CHRM5: variants seen among roughly 807,000 people sequenced by gnomAD.
CHRM5 encodes the protein cholinergic receptor muscarinic 5, also known as muscarinic acetylcholine receptor M5.
CHRM5 carries 18 observed loss-of-function variants against 39.0 expected under a neutral mutation model. The observed-to-expected ratio is 0.46, with a 90% CI of 0.32 to 0.68. CHRM5 has a LOEUF of 0.68. Among genes scored for constraint, CHRM5 ranks in the 30% least tolerant of loss-of-function variants. The pLI is 0.04. For missense variants in CHRM5, 515 were observed against 651.1 expected (o/e 0.79, Z 2.28); for synonymous variants, 241 against 246.3 (o/e 0.98, Z 0.20).
rs1900469581 is a variant in CHRM5, at chr15:34,064,859, A to T, written c.*543A>T. 5.6e-6 allele frequency: 1 copy of T among 178,352 alleles called. No homozygotes were observed. The highest frequency in any genetic ancestry group is 1.6e-4 in the South Asian group (1 of 6,208). 11.0% of individuals were successfully genotyped at this position (178,352 alleles called of 1,614,324 possible). A position where few individuals can be genotyped will look rare whatever the true frequency, so the allele number is the denominator to read the frequency against. On this transcript the variant is annotated 3_prime_UTR_variant, in exon 3 of 3. Transcript: ENST00000383263. The stretch of plus-strand genomic sequence containing the variant: ...GATCACTATCTATTATGCAGCTATT[A>T]TGTGGTCTATACTATACTGTGGTTT...
chr15:34,003,936 T>A (rs1897234265), intron 1 of CHRM5, among the ~76,000 whole-genome samples: 1 of 152,230 alleles, frequency 6.6e-6, no homozygotes, highest in African/African-American at 2.4e-5. Context: ...AATCTATTTT[T>A]AAATATTGAG....
At chr15:34,008,728 T>C (rs912800035) in intron 1 of CHRM5, among the ~76,000 whole-genome samples, 5 of 152,054 alleles carry the variant, frequency 3.3e-5, no homozygotes, top group Non-Finnish European at 7.4e-5. Context: ...GACCTCGTGA[T>C]CTGCCCGCTT....
At chr15:34,003,060 T>C in intron 1 of CHRM5, 4 of 1,613,990 alleles carry the variant, frequency 2.5e-6, no homozygotes, top group Middle Eastern at 1.7e-4. Flanking sequence ...CACTGAAATC[T>C]GTTCCCCTCT....
intron 1 of CHRM5, among the ~76,000 whole-genome samples, chr15:33,989,150 A>G (rs1332090003): frequency 7.1e-6 from 1 of 141,636 alleles, no homozygotes; most frequent in Non-Finnish European, 1.6e-5. Context: ...CCACACAAAC[A>G]CACACAAAAA....
At chr15:34,018,800 G>A (rs899716333) in intron 1 of CHRM5, among the ~76,000 whole-genome samples, 1 of 152,168 alleles carries the variant, frequency 6.6e-6, no homozygotes, top group Non-Finnish European at 1.5e-5. Flanking sequence ...GCTGATTGGT[G>A]CATTTACAAT....
intron 1 of CHRM5, among the ~76,000 whole-genome samples, chr15:34,031,180 T>TTTTC (rs1898785814): frequency 7.1e-6 from 1 of 140,138 alleles, no homozygotes; most frequent in Non-Finnish European, 1.5e-5. Context: ...TTTTTTTTTT[T>TTTTC]TTTTTTTTTT....
intron 1 of CHRM5, among the ~76,000 whole-genome samples, chr15:34,035,710 T>G (rs992275812): frequency 6.6e-6 from 1 of 152,242 alleles, no homozygotes; most frequent in Non-Finnish European, 1.5e-5. Flanking sequence ...CTTGTCTTCC[T>G]CTCTGCTAAC....
chr15:34,005,069 C>A (rs1897287253), intron 1 of CHRM5, among the ~76,000 whole-genome samples: 1 of 152,028 alleles, frequency 6.6e-6, no homozygotes, highest in Non-Finnish European at 1.5e-5. Context: ...TATAAAAACC[C>A]CAAATTCCCT....
chr15:34,060,564 G>A (rs1358784972), intron 2 of CHRM5, among the ~76,000 whole-genome samples: 1 of 152,168 alleles, frequency 6.6e-6, no homozygotes, highest in Non-Finnish European at 1.5e-5. Context: ...TGCCCACATG[G>A]GGTATTTTAA....
At chr15:33,974,875 G>A (rs1198013600) in intron 1 of CHRM5, among the ~76,000 whole-genome samples, 1 of 152,138 alleles carries the variant, frequency 6.6e-6, no homozygotes, top group Non-Finnish European at 1.5e-5. Context: ...TGGAGGCTGG[G>A]GCCGGAGAAT....
chr15:34,024,860 C>A (rs1323668592), intron 1 of CHRM5, among the ~76,000 whole-genome samples: 2 of 145,980 alleles, frequency 1.4e-5, no homozygotes, highest in African/African-American at 2.6e-5. Context: ...GACTCCTTCT[C>A]AAAAAAAAAA....
At chr15:33,993,356 A>G (rs114107277) in intron 1 of CHRM5, among the ~76,000 whole-genome samples, 130 of 152,264 alleles carry the variant, frequency 8.5e-4, no homozygotes, top group African/African-American at 3.1e-3. Flanking sequence ...AAGACTCACA[A>G]TCTTACCAGA....
chr15:34,061,037 T>A (rs1900319972), intron 2 of CHRM5, among the ~76,000 whole-genome samples: 1 of 152,104 alleles, frequency 6.6e-6, no homozygotes, highest in Admixed American at 6.5e-5. Flanking sequence ...AAAAGATTTT[T>A]TTTTTCCCTT....
intron 1 of CHRM5, among the ~76,000 whole-genome samples, chr15:33,976,838 C>T (rs185449870): frequency 3.3e-5 from 5 of 152,232 alleles, no homozygotes; most frequent in African/African-American, 1.2e-4. Flanking sequence ...ACATCCTAGG[C>T]ATAGAAACAT....
chr15:33,992,405 A>C (rs970264182), intron 1 of CHRM5, among the ~76,000 whole-genome samples: 3 of 152,198 alleles, frequency 2.0e-5, no homozygotes, highest in African/African-American at 7.2e-5. Flanking sequence ...AAAAGAAAAA[A>C]GAAAATCAAA....
chr15:34,063,715 C>G lies in CHRM5; in HGVS notation c.998C>G (p.Pro333Arg), dbSNP rs748655667. 2 of 1,614,182 alleles carry G rather than the reference C, an allele frequency of 1.2e-6. No homozygotes were observed. The highest frequency in any genetic ancestry group is 1.7e-6 in the Non-Finnish European group (2 of 1,180,044). ...TACAAGAGTCAGGGTAAGGAAAGCCCAGGGGAAGAATTCAGTGCTGAAGAG... is the reference window on the plus strand; with the variant it reads ...TACAAGAGTCAGGGTAAGGAAAGCCGAGGGGAAGAATTCAGTGCTGAAGAG... Reference protein sequence around the residue: ...VVYKSQGKESPGEEFSAEETE... With the variant: ...VVYKSQGKESRGEEFSAEETE... Residue 333 changes from proline to arginine, a missense_variant, in exon 3 of 3, where the codon CCA (proline) becomes CGA (arginine). Coordinates refer to ENST00000383263, the MANE Select transcript of CHRM5 (RefSeq NM_012125.4). This position sits in a 1 kb window ranked among gnomAD's most constrained non-coding sequence, Gnocchi z 4.1.
chr15:34,008,436 AAAG>A (rs1567463444), intron 1 of CHRM5, among the ~76,000 whole-genome samples: 1 of 151,464 alleles, frequency 6.6e-6, no homozygotes, highest in Non-Finnish European at 1.5e-5. Context: ...AGAAAAAAAA[AAAG>A]AAGAAAAATA....
intron 2 of CHRM5, among the ~76,000 whole-genome samples, chr15:34,061,923 A>T (rs1250492693): frequency 6.6e-6 from 1 of 152,220 alleles, no homozygotes; most frequent in Non-Finnish European, 1.5e-5. Flanking sequence ...CTTTTTCCCC[A>T]GTGCATGACG....
At chr15:33,982,860 T>C (rs1896215117) in intron 1 of CHRM5, among the ~76,000 whole-genome samples, 1 of 152,024 alleles carries the variant, frequency 6.6e-6, no homozygotes. Context: ...AAGGCTACCT[T>C]AGAATTATCC....
Sources: gnomAD v4.1 joint callset for allele counts (sites outside exome capture counted in the v4.1 genomes callset) on GRCh38, gnomAD v4.1.1 for gene constraint, Gnocchi (gnomAD v3.1) non-coding constraint, MANE v1.5 for transcripts, NCBI Gene and HGNC (gene_info 2026-07-23, HGNC 2026-07-21) for gene names.